Variants in NAPEPLD observed in about 807,000 individuals in gnomAD.
NAPEPLD encodes the protein N-acyl-phosphatidylethanolamine-hydrolyzing phospholipase D.
A neutral mutation model predicts 38.1 loss-of-function variants in NAPEPLD; 23 were observed. That is an observed-to-expected ratio of 0.60 (90% confidence interval 0.43 to 0.86). NAPEPLD has a LOEUF of 0.86. Ranked by LOEUF, NAPEPLD falls within the 40% of genes least tolerant of loss-of-function variation. The pLI, the probability that NAPEPLD is intolerant of heterozygous loss-of-function variation, is 0.00. For synonymous variants in NAPEPLD, 147 were observed against 162.0 expected (o/e 0.91, Z 0.71); for missense variants, 411 against 476.8 (o/e 0.86, Z 1.28).
Position 103,148,860 on chromosome 7 carries a change from G to T in NAPEPLD, c.-66C>A. ...AACCTGGTAATTTGCAGGGAAGATA[G>T]GATCTCAAATCCCAGACAGCTACTC... is the stretch of plus-strand genomic sequence containing the variant. On this transcript the variant is annotated 5_prime_UTR_variant, in exon 1 of 5. Coordinates refer to ENST00000465647, the MANE Select transcript of NAPEPLD (RefSeq NM_001122838.3). The T allele has an allele frequency of 1.3e-5, 13 of 985,386 alleles. No homozygotes were observed. The highest frequency in any genetic ancestry group is 1.6e-5 in the Non-Finnish European group (13 of 829,916). 61.0% of individuals were successfully genotyped at this position (985,386 alleles called of 1,614,324 possible).
intron 1 of NAPEPLD, among the ~76,000 whole-genome samples, chr7:103,133,897 A>G (rs1340599510): frequency 6.6e-6 from 1 of 152,214 alleles, no homozygotes; most frequent in Non-Finnish European, 1.5e-5. Context: ...AGATCTTTCC[A>G]TTGTACTGAT....
At chr7:103,104,663 C>G (rs749149495) in intron 4 of NAPEPLD, among the ~76,000 whole-genome samples, 2 of 152,162 alleles carry the variant, frequency 1.3e-5, no homozygotes, top group Non-Finnish European at 2.9e-5. Context: ...TCCAATATTC[C>G]TAGAGCTAAC....
chr7:103,106,344 C>T (rs939810253), intron 4 of NAPEPLD, among the ~76,000 whole-genome samples: 10 of 151,268 alleles, frequency 6.6e-5, no homozygotes, highest in Admixed American at 2.0e-4. Flanking sequence ...AAACTAGCTG[C>T]GGGAGCTTTT....
At chr7:103,104,331 A>G (rs1017506153) in intron 4 of NAPEPLD, among the ~76,000 whole-genome samples, 2 of 152,252 alleles carry the variant, frequency 1.3e-5, no homozygotes, top group Admixed American at 6.5e-5. Flanking sequence ...ATTTGAAGCC[A>G]TAAGACTGGA....
chr7:103,126,112 C>T (rs1473995244), intron 2 of NAPEPLD, among the ~76,000 whole-genome samples: 1 of 152,004 alleles, frequency 6.6e-6, no homozygotes, highest in Non-Finnish European at 1.5e-5. Context: ...TGTAGTGAGC[C>T]TCAAAGGGCT....
chr7:103,131,515 C>T (rs1465468483), intron 1 of NAPEPLD, among the ~76,000 whole-genome samples: 4 of 151,974 alleles, frequency 2.6e-5, no homozygotes, highest in Non-Finnish European at 4.4e-5. Flanking sequence ...AAAAAGTAGC[C>T]GGGCGTGGTG....
At chr7:103,149,838 CTCAA>C (rs1273006516), upstream of NAPEPLD, among the ~76,000 whole-genome samples, 1 of 152,232 alleles carries the variant, frequency 6.6e-6, no homozygotes, top group Non-Finnish European at 1.5e-5. Context: ...TCATAGCCAA[CTCAA>C]TCACAGTCGA....
intron 1 of NAPEPLD, among the ~76,000 whole-genome samples, chr7:103,143,447 G>C (rs1283682645): frequency 1.3e-5 from 2 of 152,002 alleles, no homozygotes; most frequent in Admixed American, 1.3e-4. Context: ...GGGTAACTAT[G>C]CATCAGCTAA....
intron 4 of NAPEPLD, among the ~76,000 whole-genome samples, chr7:103,103,848 A>G (rs563508376): frequency 5.9e-5 from 9 of 152,370 alleles, no homozygotes; most frequent in African/African-American, 1.7e-4. Context: ...CGGTTTCACC[A>G]TATGAAATTC....
At chr7:103,116,916 T>C (rs1055121846) in intron 3 of NAPEPLD, among the ~76,000 whole-genome samples, 2 of 152,230 alleles carry the variant, frequency 1.3e-5, no homozygotes, top group African/African-American at 2.4e-5. Context: ...TAGGAAAGCA[T>C]AGAGAACATC....
intron 2 of NAPEPLD, among the ~76,000 whole-genome samples, chr7:103,121,049 A>C (rs1267304911): frequency 6.6e-6 from 1 of 152,008 alleles, no homozygotes; most frequent in African/African-American, 2.4e-5. Context: ...TTCAAAATGG[A>C]GCGCTGTGAT....
chr7:103,117,567 C>A (rs548283846), intron 3 of NAPEPLD, among the ~76,000 whole-genome samples: 1 of 152,160 alleles, frequency 6.6e-6, no homozygotes, highest in Non-Finnish European at 1.5e-5. Context: ...AAGTTGTTTT[C>A]GGTCTAAACA....
rs993112881 is a variant in NAPEPLD, at chr7:103,148,939, A to T, written c.-145T>A. On this transcript the variant is annotated 5_prime_UTR_variant, in exon 1 of 5. Coordinates refer to ENST00000465647, the MANE Select transcript of NAPEPLD (RefSeq NM_001122838.3). ...GCTCTTCACCGAGGCAGCTTCAGAG[A>T]TGCAGGCTCCGCAACTCGCGAGGTG... The T allele has an allele frequency of 1.4e-4, 142 of 985,292 alleles. No individual in the cohort carries two copies. Among genetic ancestry groups the T allele is most frequent in the Non-Finnish European group, 1.7e-4 (142 of 829,940 alleles). 61.0% of individuals were successfully genotyped at this position (985,292 alleles called of 1,614,324 possible).
chr7:103,148,237 T>C, intron 1 of NAPEPLD: 1 of 462,602 alleles, frequency 2.2e-6, no homozygotes, highest in Middle Eastern at 1.1e-3. Flanking sequence ...TAGCAAACAT[T>C]TCATGCTAAG....
intron 3 of NAPEPLD, among the ~76,000 whole-genome samples, chr7:103,117,095 A>G (rs1215626781): frequency 6.6e-6 from 1 of 152,260 alleles, no homozygotes; most frequent in East Asian, 1.9e-4. Flanking sequence ...CACATTATTT[A>G]CATCCTAGTC....
chr7:103,149,613 C>G (rs904542494), upstream of NAPEPLD: 1 of 644,952 alleles, frequency 1.6e-6, no homozygotes, highest in Middle Eastern at 6.3e-4. Context: ...GCCGGGGCGC[C>G]GAAGCCATCT....
chr7:103,131,131 A>G (rs555529379), intron 1 of NAPEPLD, among the ~76,000 whole-genome samples: 1 of 152,286 alleles, frequency 6.6e-6, no homozygotes, highest in Non-Finnish European at 1.5e-5. Flanking sequence ...GTCATGATAA[A>G]ACAGCTTATG....
intron 4 of NAPEPLD, among the ~76,000 whole-genome samples, chr7:103,107,303 CA>C (rs1379966652): frequency 6.6e-6 from 1 of 152,086 alleles, no homozygotes; most frequent in Non-Finnish European, 1.5e-5. Context: ...GAAACCAGCA[CA>C]AAAAGGCTGA....
chr7:103,118,714 T>C (rs1317133194), intron 3 of NAPEPLD, among the ~76,000 whole-genome samples: 1 of 152,382 alleles, frequency 6.6e-6, no homozygotes. Context: ...TATTTGCACA[T>C]ATAAACCAGA....
Sources: allele counts gnomAD v4.1 joint callset (sites outside exome capture counted in the v4.1 genomes callset), GRCh38; gene constraint gnomAD v4.1.1; transcripts MANE v1.5; gene names NCBI Gene and HGNC (gene_info 2026-07-23, HGNC 2026-07-21).